The following RIN3 variants were observed in gnomAD, a reference collection of about 807,000 sequenced individuals.
The protein encoded by RIN3 is Ras and Rab interactor 3, also known as RAB5 interacting protein 3.
Under a neutral mutation model 76.3 loss-of-function variants are expected in RIN3, and 54 were observed. That is an observed-to-expected ratio of 0.71 (90% CI 0.57 to 0.89). RIN3 has a LOEUF of 0.89. Ranked by LOEUF, RIN3 falls within the 40% of genes least tolerant of loss-of-function variation. RIN3 has a pLI of 0.00. For synonymous variants in RIN3, 576 were observed against 564.0 expected (o/e 1.02, Z -0.30); for missense variants, 1,256 against 1,322.1 (o/e 0.95, Z 0.78).
chr14:92,644,675 A>T (rs1887134396), intron 5 of RIN3: 1 of 152,280 alleles, frequency 6.6e-6, no homozygotes, highest in Non-Finnish European at 1.5e-5. Context: ...GCTGAAAGAC[A>T]TAAAGCCAGG....
At position 92,582,442 on chromosome 14, in the gene RIN3, C is replaced by CT. The variant is rs35072092; in HGVS notation, c.367+4984dup. Among the ~76,000 whole-genome samples, 755 of 117,544 alleles carry CT rather than the reference C, an allele frequency of 6.4e-3. 25 individuals carry two copies. Among genetic ancestry groups the CT allele is most frequent in the African/African-American group, 0.018 (568 of 32,202 alleles). The allele number at this position is 117,544 out of a possible 152,430, so 77.1% of individuals were successfully genotyped here. On this transcript the variant is annotated intron_variant, in intron 3 of 9. Transcript: ENST00000216487. ...TGTGGTTTTGCTGTTTCCTTTTTTACTTTTTTTTTTTTTTTTTTTCCCTGA... is the reference window on the plus strand; with the variant it reads ...TGTGGTTTTGCTGTTTCCTTTTTTACTTTTTTTTTTTTTTTTTTTTCCCTGA...
At chr14:92,532,565 C>T (rs994428067) in intron 1 of RIN3, among the ~76,000 whole-genome samples, 1 of 152,202 alleles carries the variant, frequency 6.6e-6, no homozygotes, top group African/African-American at 2.4e-5. Flanking sequence ...TGCAACTCCT[C>T]CCCTCTCCCT....
In RIN3 at chr14:92,688,507, G is replaced by A; in HGVS notation, c.*255G>A. The stretch of plus-strand genomic sequence containing the variant: ...GACGGAAAGGGAAACTGAGGCTCAG[G>A]AGAGAGGCGCTCCAGGCCGCTGCAG... On this transcript the variant is annotated 3_prime_UTR_variant, in exon 10 of 10. Coordinates refer to ENST00000216487, the MANE Select transcript of RIN3 (RefSeq NM_024832.5). 1.9e-6 allele frequency: 1 copy of A among 533,922 alleles called. No homozygotes were observed. The highest frequency in any genetic ancestry group is 2.6e-5 in the South Asian group (1 of 38,906). 33.1% of individuals were successfully genotyped at this position (533,922 alleles called of 1,614,324 possible). A position where few individuals can be genotyped will look rare whatever the true frequency, so the allele number is the denominator to read the frequency against.
chr14:92,663,897 G>A (rs146918460), intron 7 of RIN3, among the ~76,000 whole-genome samples: 22 of 152,324 alleles, frequency 1.4e-4, no homozygotes, highest in African/African-American at 5.3e-4. Flanking sequence ...ACATGGGACA[G>A]CCTAAGTGCT....
At chr14:92,528,247 G>A (rs1002710019) in intron 1 of RIN3, among the ~76,000 whole-genome samples, 4 of 152,138 alleles carry the variant, frequency 2.6e-5, no homozygotes, top group Non-Finnish European at 5.9e-5. Flanking sequence ...CCCTCCCACC[G>A]CCTCCCTCCT....
At chr14:92,545,113 T>G (rs1032331145) in intron 1 of RIN3, among the ~76,000 whole-genome samples, 15 of 141,532 alleles carry the variant, frequency 1.1e-4, no homozygotes, top group South Asian at 2.3e-4. Context: ...GGTGTTTTTT[T>G]TTTTTTTTTT....
At chr14:92,634,926 C>T (rs1387992353) in intron 4 of RIN3, among the ~76,000 whole-genome samples, 2 of 151,806 alleles carry the variant, frequency 1.3e-5, no homozygotes, top group Admixed American at 6.6e-5. Context: ...GGTTGGAAAC[C>T]TAGCAGTCTG....
intron 3 of RIN3, among the ~76,000 whole-genome samples, chr14:92,599,004 T>A (rs945635204): frequency 6.6e-6 from 1 of 151,782 alleles, no homozygotes; most frequent in African/African-American, 2.4e-5. Context: ...GGCAAGATAG[T>A]CCACGCAAGT....
chr14:92,678,583 T>C (rs1343617541), intron 8 of RIN3, among the ~76,000 whole-genome samples: 1 of 147,864 alleles, frequency 6.8e-6, no homozygotes, highest in Non-Finnish European at 1.5e-5. Flanking sequence ...CTCCACATAT[T>C]CATCTACCCA....
rs1051522380 is a variant in RIN3 at position 92,648,297 on chromosome 14, C to T, written c.533-3285C>T. On this transcript the variant is annotated intron_variant, in intron 5 of 9. Transcript: ENST00000216487. The surrounding 1 kb of genome is among the most constrained non-coding windows in gnomAD (Gnocchi z 4.1). ...GCAGGGAAGCTGTGTCCCAGGTACC[C>T]AGGCCGAGAGCCTATTTGCCTGAAC... Among the ~76,000 whole-genome samples the T allele has an allele frequency of 1.3e-5, 2 of 152,146 alleles. No individual in the cohort carries two copies. The highest frequency in any genetic ancestry group is 1.9e-4 in the East Asian group (1 of 5,184).
At chr14:92,582,215 A>G (rs1406351974) in intron 3 of RIN3, among the ~76,000 whole-genome samples, 1 of 152,216 alleles carries the variant, frequency 6.6e-6, no homozygotes, top group East Asian at 1.9e-4. Context: ...AGAGACGGCC[A>G]GCCTACTTCT....
Position 92,513,857 on chromosome 14 carries a change from G to A in RIN3, c.-76G>A, listed in dbSNP as rs567964856. On this transcript the variant is annotated 5_prime_UTR_variant, in exon 1 of 10. Transcript: ENST00000216487. ...CAGAGGGCCAGAGCCAGGGACATGC[G>A]GGCGCCCGGGACTCCGCGTTCCGCG... is the stretch of plus-strand genomic sequence containing the variant. 81 of 1,112,452 alleles carry A rather than the reference G, an allele frequency of 7.3e-5. No homozygotes were observed. In the African/African-American group the frequency reaches 1.2e-3, roughly 17 times the overall value. 68.9% of individuals were successfully genotyped at this position (1,112,452 alleles called of 1,614,324 possible).
In RIN3 at chr14:92,681,956, A is replaced by G. The variant is rs763788651; in HGVS notation, c.2468-3031A>G. Among the ~76,000 whole-genome samples, 7 of 152,076 alleles carry G rather than the reference A, an allele frequency of 4.6e-5. No individual in the cohort carries two copies. Among genetic ancestry groups the G allele is most frequent in the Non-Finnish European group, 7.4e-5 (5 of 68,012 alleles). ...GGCTGCAGTGCAGTGGCCTGATCTC[A>G]GCTCACTGCAACCTCTGCCTCTCAG... On this transcript the variant is annotated intron_variant, in intron 8 of 9. Transcript: ENST00000216487. The surrounding 1 kb of genome is among the most constrained non-coding windows in gnomAD (Gnocchi z 4.7).
intron 1 of RIN3, among the ~76,000 whole-genome samples, chr14:92,521,308 T>A (rs1298101966): frequency 1.3e-5 from 2 of 152,134 alleles, no homozygotes; most frequent in East Asian, 3.8e-4. Context: ...TATCAATCCA[T>A]CTATTTACTG....
At chr14:92,653,155 G>A in intron 6 of RIN3, 80 bp downstream of exon 6, 1 of 1,424,174 alleles carries the variant, frequency 7.0e-7, no homozygotes. Flanking sequence ...GACAAAAGAG[G>A]CCTATGCAGT....
intron 1 of RIN3, among the ~76,000 whole-genome samples, chr14:92,546,527 C>T (rs982766146): frequency 1.3e-5 from 2 of 152,126 alleles, no homozygotes; most frequent in South Asian, 2.1e-4. Flanking sequence ...TCGCCTGTGG[C>T]GCCATTGGCT....
chr14:92,553,422 C>T (rs1265080777), intron 1 of RIN3, among the ~76,000 whole-genome samples: 3 of 152,078 alleles, frequency 2.0e-5, no homozygotes, highest in African/African-American at 7.2e-5. Context: ...GATGCTGGGA[C>T]CACACTCAGG....
rs764259737 is a variant in RIN3, at chr14:92,652,690, G to C, written c.1641G>C (p.Gln547His). The C allele has an allele frequency of 6.2e-7, 1 of 1,613,126 alleles. No homozygotes were observed. The highest frequency in any genetic ancestry group is 8.5e-7 in the Non-Finnish European group (1 of 1,180,026). Reference sequence around the variant, plus strand: ...GGGTGTCTGTCATGGCCACCGACCAGGACTCCTACTCCACCAGCAGCACGG... The same window carrying C: ...GGGTGTCTGTCATGGCCACCGACCACGACTCCTACTCCACCAGCAGCACGG... ...SLGVSVMATD[Q>H]DSYSTSSTEE... Residue 547 changes from glutamine (Q) to histidine (H), a missense_variant, in exon 6 of 10, where the codon CAG becomes CAC. By Grantham distance (24) the Gln-to-His change is conservative. Transcript: ENST00000216487. This position sits in a 1 kb window ranked among gnomAD's most constrained non-coding sequence, Gnocchi z 6.4.
At chr14:92,683,343 AC>A (rs1888735358) in intron 8 of RIN3, among the ~76,000 whole-genome samples, 1 of 151,970 alleles carries the variant, frequency 6.6e-6, no homozygotes, top group Non-Finnish European at 1.5e-5. Context: ...TCTCTCTATG[AC>A]CTTGGCCAAG....
Sources: allele counts gnomAD v4.1 joint callset (sites outside exome capture counted in the v4.1 genomes callset), GRCh38; gene constraint gnomAD v4.1.1; non-coding constraint Gnocchi (gnomAD v3.1); transcripts MANE v1.5; gene names NCBI Gene and HGNC (gene_info 2026-07-23, HGNC 2026-07-21).